AOPEP: variants seen among roughly 807,000 people sequenced by gnomAD.
The protein encoded by AOPEP is aminopeptidase O.
In AOPEP, 77 loss-of-function variants were observed where a neutral mutation model predicts 98.1. The observed-to-expected ratio is 0.78, with a 90% CI of 0.65 to 0.95. The LOEUF (loss-of-function observed/expected upper bound fraction) is 0.95. Ranked by LOEUF, AOPEP falls within the 40% of genes least tolerant of loss-of-function variation. The pLI is 0.00. For synonymous variants in AOPEP, 346 were observed against 365.3 expected, an observed-to-expected ratio of 0.95 and a Z score of 0.60; for missense variants, 1,024 against 1,024.7, an observed-to-expected ratio of 1.00 and a Z score of 0.01.
intron 5 of AOPEP, among the ~76,000 whole-genome samples, chr9:94,806,610 A>C (rs1849315806): frequency 6.6e-6 from 1 of 152,026 alleles, no homozygotes; most frequent in South Asian, 2.1e-4. Flanking sequence ...CTTTTATTTC[A>C]ATTATCCTTC....
At chr9:95,149,862 A>G in the AOPEP span, 1 of 1,536,904 alleles carries the variant, frequency 6.5e-7, no homozygotes, top group Non-Finnish European at 8.8e-7. Flanking sequence ...TTTCCAACAC[A>G]CCACAGCCTT....
chr9:94,919,852 C>A (rs1267049495), intron 5 of AOPEP, among the ~76,000 whole-genome samples: 1 of 152,226 alleles, frequency 6.6e-6, no homozygotes, highest in African/African-American at 2.4e-5. Context: ...GAGCCTGGTT[C>A]CCCCCTCTCT....
chr9:95,005,795 T>TTA (rs1006853561), intron 13 of AOPEP, among the ~76,000 whole-genome samples, 179 bp downstream of exon 13: 1 of 152,214 alleles, frequency 6.6e-6, no homozygotes, highest in African/African-American at 2.4e-5. Context: ...TAATGATCAT[T>TTA]TATATAGTCT....
chr9:95,045,418 C>A (rs893759549), intron 13 of AOPEP, among the ~76,000 whole-genome samples: 1 of 152,244 alleles, frequency 6.6e-6, no homozygotes, highest in African/African-American at 2.4e-5. Context: ...GCGCGACTTG[C>A]TTTTGTTAAA....
At chr9:94,885,272 C>T (rs2135939939) in intron 5 of AOPEP, among the ~76,000 whole-genome samples, 1 of 131,868 alleles carries the variant, frequency 7.6e-6, no homozygotes, top group East Asian at 2.4e-4. Flanking sequence ...TCGCTTGAGC[C>T]TGGGAAGTTG....
At chr9:95,064,581 G>A (rs184863453) in intron 14 of AOPEP, among the ~76,000 whole-genome samples, 4 of 152,318 alleles carry the variant, frequency 2.6e-5, no homozygotes, top group Admixed American at 2.0e-4. Context: ...GAGCCACCGC[G>A]CCTGGCCTCG....
At chr9:94,920,863 C>T (rs989219099) in intron 5 of AOPEP, among the ~76,000 whole-genome samples, 1 of 152,092 alleles carries the variant, frequency 6.6e-6, no homozygotes, top group African/African-American at 2.4e-5. Context: ...AGGAGGCAGC[C>T]CCAGAGGTGG....
chr9:94,876,490 C>T (rs1477168691), intron 5 of AOPEP, among the ~76,000 whole-genome samples: 2 of 151,874 alleles, frequency 1.3e-5, no homozygotes, highest in African/African-American at 2.4e-5. Flanking sequence ...CTCAGCCTCC[C>T]GAGTAGCTGG....
At chr9:95,149,883 GAA>G in the AOPEP span, 1 of 1,561,654 alleles carries the variant, frequency 6.4e-7, no homozygotes, top group Admixed American at 1.9e-5. Context: ...CTAAGAAAAG[GAA>G]AAACGACGCA....
At chr9:95,053,307 A>G (rs979571331) in intron 13 of AOPEP, among the ~76,000 whole-genome samples, 1 of 152,220 alleles carries the variant, frequency 6.6e-6, no homozygotes, top group South Asian at 2.1e-4. Context: ...TTATTTTCTT[A>G]TTATGTATCT....
chr9:95,121,350 G>A, the AOPEP span, among the ~76,000 whole-genome samples: 1 of 152,206 alleles, frequency 6.6e-6, no homozygotes, highest in African/African-American at 2.4e-5. Context: ...AGGGTAAGAA[G>A]AGACAGAAGC....
At chr9:95,016,716 G>A (rs371431763) in intron 13 of AOPEP, among the ~76,000 whole-genome samples, 3 of 148,394 alleles carry the variant, frequency 2.0e-5, no homozygotes, top group African/African-American at 7.4e-5. Context: ...GGATTCAAGT[G>A]ATCCTCCTGC....
At chr9:94,870,523 G>A (rs939082950) in intron 5 of AOPEP, among the ~76,000 whole-genome samples, 16 of 152,128 alleles carry the variant, frequency 1.1e-4, no homozygotes, top group African/African-American at 3.6e-4. Context: ...GTTCCCTCAA[G>A]GTCCCAGATT....
chr9:95,106,123 G>A, the AOPEP span, among the ~76,000 whole-genome samples: 1 of 152,098 alleles, frequency 6.6e-6, no homozygotes, highest in Non-Finnish European at 1.5e-5. Flanking sequence ...GCATCCTCAC[G>A]GGCGTTTCTT....
At chr9:94,797,965 AAGTGCTGGGATTACAGGCATG>A (rs1464836362) in intron 4 of AOPEP, among the ~76,000 whole-genome samples, 1 of 152,082 alleles carries the variant, frequency 6.6e-6, no homozygotes, top group East Asian at 1.9e-4. Flanking sequence ...TAGCCTCCCA[AAGTGCTGGGATTACAGGCATG>A]AGCCACCATG....
chr9:95,138,783 A>G, the AOPEP span, among the ~76,000 whole-genome samples: 2 of 152,206 alleles, frequency 1.3e-5, no homozygotes, highest in South Asian at 4.1e-4. Flanking sequence ...ACATGAACCA[A>G]TGAAGAACCG....
chr9:95,022,638 C>A (rs1300988451), intron 13 of AOPEP, among the ~76,000 whole-genome samples: 5 of 76,432 alleles, frequency 6.5e-5, no homozygotes, highest in Non-Finnish European at 1.5e-4. Context: ...CGCGTCTGGC[C>A]TATTTTGTTT....
chr9:94,915,430 A>G (rs2052659239), intron 5 of AOPEP, among the ~76,000 whole-genome samples: 1 of 152,172 alleles, frequency 6.6e-6, no homozygotes, highest in South Asian at 2.1e-4. Context: ...CTATTCCCCA[A>G]GGCCACTCTG....
chr9:94,973,096 A>T (rs114844280), intron 10 of AOPEP, among the ~76,000 whole-genome samples: 1 of 152,302 alleles, frequency 6.6e-6, no homozygotes, highest in African/African-American at 2.4e-5. Context: ...TGAGCTCTGC[A>T]GTTTCTGCTG....
Sources: gnomAD v4.1 joint callset for allele counts (sites outside exome capture counted in the v4.1 genomes callset) on GRCh38, gnomAD v4.1.1 for gene constraint, MANE v1.5 for transcripts, NCBI Gene and HGNC (gene_info 2026-07-23, HGNC 2026-07-21) for gene names.